KANK1: variants seen among roughly 807,000 people sequenced by gnomAD.
KANK1 encodes the protein KN motif and ankyrin repeat domains 1, also known as KN motif and ankyrin repeat domain-containing protein 1.
KANK1 carries 109 observed loss-of-function variants against 106.2 expected under a neutral mutation model. That is an observed-to-expected ratio of 1.03 (90% CI 0.88 to 1.20). The LOEUF (loss-of-function observed/expected upper bound fraction) is 1.20. KANK1 is among the 50% of genes most tolerant of loss of function. The probability of loss-of-function intolerance (pLI) is 0.00; values close to 1 mark genes in which losing one functional copy is unlikely to be tolerated. For synonymous variants in KANK1, 873 were observed against 652.2 expected (o/e 1.34, Z -5.16); for missense variants, 2,399 against 1,710.7 (o/e 1.40, Z -7.10).
intron 1 of KANK1, among the ~76,000 whole-genome samples, chr9:630,928 C>T (rs1247686699): frequency 6.6e-6 from 1 of 151,456 alleles, no homozygotes; most frequent in Admixed American, 6.6e-5. Context: ...ACACCCTAGC[C>T]TGGGTGACAG....
chr9:726,187 T>C (rs1830589260), intron 3 of KANK1, among the ~76,000 whole-genome samples: 1 of 149,386 alleles, frequency 6.7e-6, no homozygotes. Context: ...AGATCAATTC[T>C]GGTGTGCTAG....
chr9:617,960 ACT>A (rs1314376508), intron 1 of KANK1, among the ~76,000 whole-genome samples: 1 of 151,970 alleles, frequency 6.6e-6, no homozygotes, highest in African/African-American at 2.4e-5. Flanking sequence ...TTATGGAACC[ACT>A]CTCTGGATGC....
chr9:492,867 A>G (rs7042985), intron 3 of KANK1, among the ~76,000 whole-genome samples: 2,630 of 152,064 alleles, frequency 0.017, 80 homozygotes, highest in African/African-American at 0.06. Context: ...TCTACTAAAA[A>G]TACAAAATTA....
intron 1 of KANK1, among the ~76,000 whole-genome samples, chr9:595,333 G>C (rs111626979): frequency 0.012 from 1,761 of 151,872 alleles, 86 homozygotes; most frequent in African/African-American, 0.041. Flanking sequence ...GCTGAAAAGT[G>C]CTCTTTCTGG....
chr9:587,064 A>G (rs990453473), intron 1 of KANK1, among the ~76,000 whole-genome samples: 2 of 152,206 alleles, frequency 1.3e-5, no homozygotes, highest in Non-Finnish European at 2.9e-5. Flanking sequence ...AATTACTTTC[A>G]TCTTTTGATC....
intron 1 of KANK1, among the ~76,000 whole-genome samples, chr9:581,406 G>C (rs115572520): frequency 1.3e-5 from 2 of 152,216 alleles, no homozygotes; most frequent in African/African-American, 2.4e-5. Flanking sequence ...GAGCCTTCTC[G>C]TAAATCTGTT....
intron 3 of KANK1, among the ~76,000 whole-genome samples, chr9:493,082 C>G (rs1251957796): frequency 1.3e-5 from 2 of 151,566 alleles, no homozygotes; most frequent in Non-Finnish European, 2.9e-5. Flanking sequence ...AGCCGGCCTC[C>G]CTGTCTCTGA....
intron 1 of KANK1, among the ~76,000 whole-genome samples, chr9:517,410 G>C (rs1249405618): frequency 6.6e-6 from 1 of 151,728 alleles, no homozygotes; most frequent in Non-Finnish European, 1.5e-5. Context: ...GCTGCAAGCT[G>C]TGTTTTGTCG....
intron 1 of KANK1, among the ~76,000 whole-genome samples, chr9:664,452 T>C (rs937247413): frequency 3.3e-5 from 5 of 152,306 alleles, no homozygotes; most frequent in Non-Finnish European, 5.9e-5. Context: ...TACCACACTT[T>C]CTTTTTAAAT....
intron 1 of KANK1, among the ~76,000 whole-genome samples, chr9:589,728 C>A (rs917790999): frequency 2.0e-5 from 3 of 151,960 alleles, no homozygotes; most frequent in East Asian, 1.9e-4. Context: ...AGGATTGTGG[C>A]CTGAATGAAG....
chr9:493,073 G>C (rs553700037), intron 3 of KANK1, among the ~76,000 whole-genome samples: 1 of 151,150 alleles, frequency 6.6e-6, no homozygotes, highest in East Asian at 1.9e-4. Context: ...TGGCCTGGTA[G>C]CCGGCCTCCC....
intron 1 of KANK1, among the ~76,000 whole-genome samples, chr9:512,743 A>G (rs1164356266): frequency 6.6e-6 from 1 of 152,208 alleles, no homozygotes; most frequent in Non-Finnish European, 1.5e-5. Context: ...AAGAATTTGC[A>G]GTATAAAATA....
intron 1 of KANK1, among the ~76,000 whole-genome samples, chr9:661,188 G>A (rs80293934): frequency 0.21 from 31,161 of 151,540 alleles, 5,144 homozygotes; most frequent in East Asian, 0.55. Flanking sequence ...GGCTTGTTAC[G>A]TATGCATACA....
intron 1 of KANK1, among the ~76,000 whole-genome samples, chr9:602,007 G>A (rs916655024): frequency 2.6e-5 from 4 of 151,796 alleles, no homozygotes; most frequent in South Asian, 2.1e-4. Context: ...TCTGAAACTC[G>A]TTTTTAACAC....
At chr9:574,472 T>C (rs1820020451) in intron 1 of KANK1, among the ~76,000 whole-genome samples, 2 of 152,302 alleles carry the variant, frequency 1.3e-5, no homozygotes, top group South Asian at 4.1e-4. Context: ...AATTGAAGTA[T>C]GTCATTTATA....
upstream of KANK1, among the ~76,000 whole-genome samples, chr9:500,145 T>G (rs2058526039): frequency 6.6e-6 from 1 of 152,214 alleles, no homozygotes; most frequent in Non-Finnish European, 1.5e-5. Context: ...CTCAAAATGG[T>G]CAACATGCTA....
At chr9:567,981 C>G (rs1464251593) in intron 1 of KANK1, among the ~76,000 whole-genome samples, 2 of 150,152 alleles carry the variant, frequency 1.3e-5, no homozygotes, top group Non-Finnish European at 2.9e-5. Context: ...AAGTTCAACG[C>G]TTGGCATTGT....
At chr9:556,367 C>G (rs982703477) in intron 1 of KANK1, among the ~76,000 whole-genome samples, 13 of 152,110 alleles carry the variant, frequency 8.5e-5, no homozygotes, top group Non-Finnish European at 1.6e-4. Context: ...CTTAGGGAAC[C>G]TTGGTTTCTG....
intron 3 of KANK1, among the ~76,000 whole-genome samples, chr9:719,924 A>G (rs1339491766): frequency 6.6e-6 from 1 of 152,220 alleles, no homozygotes. Context: ...GTTTGCTTTT[A>G]ACATTCCTTT....
Sources: allele counts gnomAD v4.1 joint callset (sites outside exome capture counted in the v4.1 genomes callset), GRCh38; gene constraint gnomAD v4.1.1; transcripts MANE v1.5; gene names NCBI Gene and HGNC (gene_info 2026-07-23, HGNC 2026-07-21).